NREP: variants seen among roughly 807,000 people sequenced by gnomAD.
NREP encodes neuronal regeneration-related protein.
NREP carries 5 observed loss-of-function variants against 8.6 expected under a neutral mutation model. The observed-to-expected ratio is 0.58, with a 90% confidence interval of 0.30 to 1.22. The LOEUF is 1.22. Ranked by LOEUF, NREP falls within the 50% of genes most tolerant of loss-of-function variation. The pLI is 0.07. For synonymous variants in NREP, 27 were observed against 28.0 expected (o/e 0.96, Z 0.11); for missense variants, 86 against 82.5 (o/e 1.04, Z -0.17).
intron 2 of NREP, among the ~76,000 whole-genome samples, chr5:111,954,712 G>C (rs1237818042): frequency 6.6e-6 from 1 of 152,146 alleles, no homozygotes; most frequent in African/African-American, 2.4e-5. Context: ...GTAAAATAGA[G>C]AGTGACAGGT....
At chr5:111,862,281 T>G (rs1392549495) in intron 2 of NREP, among the ~76,000 whole-genome samples, 1 of 152,180 alleles carries the variant, frequency 6.6e-6, no homozygotes, top group Non-Finnish European at 1.5e-5. Context: ...AGATTTAAGG[T>G]GCATGCTGGT....
intron 2 of NREP, among the ~76,000 whole-genome samples, chr5:111,960,762 T>A (rs555082630): frequency 6.6e-6 from 1 of 152,336 alleles, no homozygotes; most frequent in Admixed American, 6.5e-5. Flanking sequence ...AACTTAAGTT[T>A]ACAGTCTAGA....
chr5:111,742,065 A>C (rs1159521762), intron 2 of NREP, among the ~76,000 whole-genome samples: 1 of 152,164 alleles, frequency 6.6e-6, no homozygotes, highest in Non-Finnish European at 1.5e-5. Context: ...GTGTTTCAAT[A>C]AGGAAGACAA....
At chr5:111,890,087 T>G (rs1394574399) in intron 2 of NREP, among the ~76,000 whole-genome samples, 1 of 152,204 alleles carries the variant, frequency 6.6e-6, no homozygotes, top group Non-Finnish European at 1.5e-5. Context: ...ATGTGCAGGC[T>G]TGGGCTCAGA....
chr5:111,835,470 G>C (rs999305275), intron 2 of NREP, among the ~76,000 whole-genome samples: 2 of 152,012 alleles, frequency 1.3e-5, no homozygotes, highest in Non-Finnish European at 2.9e-5. Context: ...TAAAGGTAGG[G>C]GCATGAACAG....
intron 2 of NREP, among the ~76,000 whole-genome samples, chr5:111,910,436 C>A (rs1408152870): frequency 6.6e-6 from 1 of 151,800 alleles, no homozygotes; most frequent in East Asian, 1.9e-4. Flanking sequence ...TTGGGGGGTA[C>A]TAGTGGCAGG....
chr5:111,825,863 C>A (rs1752610619), intron 2 of NREP, among the ~76,000 whole-genome samples: 2 of 152,078 alleles, frequency 1.3e-5, no homozygotes, highest in Non-Finnish European at 2.9e-5. Flanking sequence ...ATATTCAGGT[C>A]TCCCTCAGGG....
chr5:111,744,273 G>A (rs1237671355), intron 2 of NREP, among the ~76,000 whole-genome samples: 2 of 152,014 alleles, frequency 1.3e-5, no homozygotes, highest in Admixed American at 1.3e-4. Flanking sequence ...GCACTGTCCT[G>A]GTCATTTAAA....
At chr5:111,878,674 G>C (rs938281115) in intron 2 of NREP, among the ~76,000 whole-genome samples, 26 of 152,192 alleles carry the variant, frequency 1.7e-4, no homozygotes, top group Non-Finnish European at 4.4e-5. Flanking sequence ...AAAAGGCACT[G>C]TTCAGAAGAC....
At chr5:111,756,323 CGGGGG>C in intron 1 of NREP, 1 of 61,082 alleles carries the variant, frequency 1.6e-5, no homozygotes, top group Non-Finnish European at 2.8e-5. Context: ...CCCTACACGG[CGGGGG>C]GGGTGGGGGG....
intron 2 of NREP, among the ~76,000 whole-genome samples, chr5:111,947,144 G>A (rs912401619): frequency 6.6e-6 from 1 of 151,950 alleles, no homozygotes; most frequent in African/African-American, 2.4e-5. Flanking sequence ...TATAACTATA[G>A]AAGTCCCTAT....
intron 2 of NREP, among the ~76,000 whole-genome samples, chr5:111,815,896 GA>G (rs1352164781): frequency 6.6e-6 from 1 of 152,064 alleles, no homozygotes. Flanking sequence ...TAAGGTCCAA[GA>G]AAACCACATC....
At chr5:111,865,453 A>G (rs764660868) in intron 2 of NREP, among the ~76,000 whole-genome samples, 1 of 152,134 alleles carries the variant, frequency 6.6e-6, no homozygotes, top group Non-Finnish European at 1.5e-5. Context: ...GCAACATTAG[A>G]CTTAACTCTG....
At chr5:111,898,190 G>A (rs780047047) in intron 2 of NREP, among the ~76,000 whole-genome samples, 9 of 152,120 alleles carry the variant, frequency 5.9e-5, no homozygotes, top group Non-Finnish European at 8.8e-5. Flanking sequence ...TGGCTGTTAC[G>A]TTGAGAACAG....
At chr5:111,950,762 T>G (rs1422132970) in intron 2 of NREP, among the ~76,000 whole-genome samples, 1 of 150,494 alleles carries the variant, frequency 6.6e-6, no homozygotes, top group Non-Finnish European at 1.5e-5. Flanking sequence ...CAGACACTTC[T>G]CAAAAGAAGA....
chr5:111,881,711 C>A (rs887077721), intron 2 of NREP, among the ~76,000 whole-genome samples: 1 of 152,130 alleles, frequency 6.6e-6, no homozygotes, highest in Admixed American at 6.5e-5. Flanking sequence ...GCAGATACCC[C>A]GGCAAACAGG....
rs193043182 is a variant in NREP, at chr5:111,949,488, T to A, written c.135+25786A>T. On this transcript the variant is annotated intron_variant, in intron 2 of 3. Coordinates refer to the NREP transcript ENST00000395634. ...TGTTCAATGATGTTTATGCTTTTTT[T>A]AAATATATTACTTTAAGTTCTGGGA... 6.7e-4 allele frequency among the ~76,000 whole-genome samples: 102 copies of A among 152,262 alleles called. 1 individual carries two copies. The East Asian group carries it at 9.1e-3, about 14-fold the overall frequency.
At chr5:111,913,572 A>C (rs977609963) in intron 2 of NREP, among the ~76,000 whole-genome samples, 1 of 152,104 alleles carries the variant, frequency 6.6e-6, no homozygotes, top group Non-Finnish European at 1.5e-5. Flanking sequence ...GAAGAGTAAA[A>C]TGAGGAGGCT....
intron 2 of NREP, among the ~76,000 whole-genome samples, chr5:111,746,631 A>G (rs988743228): frequency 1.3e-5 from 2 of 152,172 alleles, no homozygotes; most frequent in Admixed American, 6.6e-5. Flanking sequence ...GGTATTGAAT[A>G]TTTCATAGGC....
Sources: gnomAD v4.1 joint callset for allele counts (sites outside exome capture counted in the v4.1 genomes callset) on GRCh38, gnomAD v4.1.1 for gene constraint, MANE v1.5 for transcripts, NCBI Gene and HGNC (gene_info 2026-07-23, HGNC 2026-07-21) for gene names.